IFT74: variants seen among roughly 807,000 people sequenced by gnomAD.
IFT74 encodes the protein intraflagellar transport protein 74 homolog.
In IFT74, 92 loss-of-function variants were observed where a neutral mutation model predicts 96.7. The ratio of observed to expected loss-of-function variants is 0.95; its 90% CI spans 0.80 to 1.13. The LOEUF (loss-of-function observed/expected upper bound fraction) is 1.13, where lower values mean the gene tolerates loss of function less well. Ranked by LOEUF, IFT74 falls within the 50% of genes most tolerant of loss-of-function variation. IFT74 has a pLI of 0.00. For synonymous variants in IFT74, 223 were observed against 213.2 expected, an observed-to-expected ratio of 1.05 and a Z score of -0.40; for missense variants, 811 against 698.2, an observed-to-expected ratio of 1.16 and a Z score of -1.82.
At chr9:26,961,694 T>G (rs571894726) in intron 1 of IFT74, among the ~76,000 whole-genome samples, 1 of 152,194 alleles carries the variant, frequency 6.6e-6, no homozygotes, top group African/African-American at 2.4e-5. Flanking sequence ...ATGAGAATAC[T>G]AAAGAAATAG....
intron 10 of IFT74, among the ~76,000 whole-genome samples, chr9:27,013,448 G>T (rs184209770): frequency 2.2e-4 from 34 of 152,170 alleles, no homozygotes; most frequent in African/African-American, 6.3e-4. Flanking sequence ...TGGGTCAAAA[G>T]GTATACAGTT....
In IFT74 at chr9:26,990,207, TA is replaced by T; in HGVS notation, c.587+14del. 1.5e-6 allele frequency: 2 copies of T among 1,337,704 alleles called. No homozygotes were observed. Among genetic ancestry groups the T allele is most frequent in the Non-Finnish European group, 2.0e-6 (2 of 1,008,702 alleles). The allele number at this position is 1,337,704 out of a possible 1,614,324, so 82.9% of individuals were successfully genotyped here. A position where few individuals can be genotyped will look rare whatever the true frequency, so the allele number is the denominator to read the frequency against. On this transcript the variant is annotated intron_variant, in intron 8 of 19. Coordinates refer to ENST00000380062, the MANE Select transcript of IFT74 (RefSeq NM_025103.4). ...ACTGAAAGACAAGCGTAAGTATAGC[TA>T]ATTTAAAAATTAGATTCATAAGTAA...
At chr9:27,045,032 T>A (rs748841724) in intron 14 of IFT74, among the ~76,000 whole-genome samples, 5 of 152,214 alleles carry the variant, frequency 3.3e-5, no homozygotes, top group Non-Finnish European at 7.3e-5. Context: ...AGCTAGTACT[T>A]ACATTCGTAG....
intron 10 of IFT74, among the ~76,000 whole-genome samples, chr9:27,013,338 A>G (rs1456531886): frequency 6.6e-6 from 1 of 152,240 alleles, no homozygotes; most frequent in Non-Finnish European, 1.5e-5. Context: ...ACAGCCTTGT[A>G]AATGAACAGG....
chr9:27,056,761 A>G (rs1347927982), intron 18 of IFT74, among the ~76,000 whole-genome samples: 1 of 151,924 alleles, frequency 6.6e-6, no homozygotes, highest in Non-Finnish European at 1.5e-5. Flanking sequence ...CTAAAAATCC[A>G]TAAAATCACA....
intron 13 of IFT74, among the ~76,000 whole-genome samples, chr9:27,038,422 C>G (rs772042214): frequency 2.6e-5 from 4 of 152,136 alleles, no homozygotes; most frequent in African/African-American, 9.7e-5. Context: ...GCCACCACGC[C>G]TGGCTAATTT....
intron 1 of IFT74, among the ~76,000 whole-genome samples, chr9:26,957,532 G>C (rs762593329): frequency 6.6e-6 from 1 of 152,180 alleles, no homozygotes; most frequent in Non-Finnish European, 1.5e-5. Context: ...AGATTGATGT[G>C]AACATATTCA....
At chr9:26,974,061 T>A (rs1429065809) in intron 2 of IFT74, among the ~76,000 whole-genome samples, 1 of 152,154 alleles carries the variant, frequency 6.6e-6, no homozygotes, top group Admixed American at 6.6e-5. Context: ...TCCCCCACAC[T>A]CTTTAGAGGG....
At chr9:27,041,177 T>G (rs1401775192) in intron 13 of IFT74, among the ~76,000 whole-genome samples, 2 of 152,204 alleles carry the variant, frequency 1.3e-5, no homozygotes, top group African/African-American at 4.8e-5. Flanking sequence ...AGAGTATAAA[T>G]TCTTCAGAGG....
Position 26,965,640 on chromosome 9 carries a change from T to C in IFT74, c.120+3553T>C, listed in dbSNP as rs1218132231. On this transcript the variant is annotated intron_variant, in intron 2 of 19. Transcript: ENST00000380062. ...CACGTTATCTGTTTATTTGTAAAAT[T>C]TTAAAATTTGTATGTATTCATGGGG... 1.3e-5 allele frequency among the ~76,000 whole-genome samples: 2 copies of C among 152,118 alleles called. 1 individual carries two copies. Among genetic ancestry groups the C allele is most frequent in the Non-Finnish European group, 2.9e-5 (2 of 67,992 alleles).
chr9:26,964,709 T>C (rs1826528605), intron 2 of IFT74, among the ~76,000 whole-genome samples: 1 of 152,138 alleles, frequency 6.6e-6, no homozygotes, highest in Non-Finnish European at 1.5e-5. Flanking sequence ...CTTTTGATGC[T>C]AGGGGTAATA....
chr9:27,042,171 A>G (rs982143788), intron 13 of IFT74, among the ~76,000 whole-genome samples: 1 of 152,220 alleles, frequency 6.6e-6, no homozygotes, highest in Non-Finnish European at 1.5e-5. Context: ...TTCCAAATCA[A>G]TATATATAGT....
intron 11 of IFT74, among the ~76,000 whole-genome samples, chr9:27,017,479 C>G (rs1188163296): frequency 6.6e-6 from 1 of 152,218 alleles, no homozygotes; most frequent in Non-Finnish European, 1.5e-5. Context: ...ATTTCAGCCT[C>G]TCCAAGTGTT....
intron 13 of IFT74, 38 bp downstream of exon 13, chr9:27,029,142 T>C: frequency 6.7e-7 from 1 of 1,491,770 alleles, no homozygotes; most frequent in South Asian, 1.2e-5. Context: ...GATTAACAGA[T>C]GTTTAGCAGT....
At chr9:27,052,771 G>A (rs925564004) in intron 16 of IFT74, among the ~76,000 whole-genome samples, 1 of 152,008 alleles carries the variant, frequency 6.6e-6, no homozygotes, top group South Asian at 2.1e-4. Context: ...CCCACCTCAA[G>A]AAATTTTTTT....
chr9:26,982,458 T>A (rs988424498), intron 4 of IFT74: 6 of 371,428 alleles, frequency 1.6e-5, no homozygotes, highest in African/African-American at 1.3e-4. Context: ...TGTATTTTTT[T>A]TTTTTTTTTT....
chr9:26,986,417 T>C (rs1034955815), intron 6 of IFT74, among the ~76,000 whole-genome samples: 7 of 151,576 alleles, frequency 4.6e-5, no homozygotes, highest in African/African-American at 1.2e-4. Context: ...CTGAGCTCAA[T>C]TGATCCTCCC....
intron 18 of IFT74, among the ~76,000 whole-genome samples, 160 bp downstream of exon 18, chr9:27,056,619 C>G (rs1187351980): frequency 6.6e-6 from 1 of 151,950 alleles, no homozygotes; most frequent in Admixed American, 6.6e-5. Context: ...TGAATGGACT[C>G]CTGCTTTCTT....
At chr9:27,029,673 C>T (rs1231961449) in intron 13 of IFT74, among the ~76,000 whole-genome samples, 3 of 152,094 alleles carry the variant, frequency 2.0e-5, no homozygotes, top group African/African-American at 4.8e-5. Context: ...CACTTGAACT[C>T]GGAGGCAGAG....
Sources: allele counts gnomAD v4.1 joint callset (sites outside exome capture counted in the v4.1 genomes callset), GRCh38; gene constraint gnomAD v4.1.1; transcripts MANE v1.5; gene names NCBI Gene and HGNC (gene_info 2026-07-23, HGNC 2026-07-21).